GPC3: variants seen among roughly 807,000 people sequenced by gnomAD.
The protein encoded by GPC3 is glypican-3.
GPC3 carries 3 observed loss-of-function variants against 34.4 expected under a neutral mutation model. The ratio of observed to expected loss-of-function variants is 0.09; its 90% CI spans 0.04 to 0.23. The LOEUF is 0.23. Among genes scored for constraint, GPC3 ranks in the 10% least tolerant of loss-of-function variants. GPC3 has a pLI of 1.00. For missense variants in GPC3, 351 were observed against 445.6 expected (o/e 0.79, Z 1.91); for synonymous variants, 177 against 174.0 (o/e 1.02, Z -0.13).
chrX:133,863,968 A>G (rs1483514859), intron 2 of GPC3, among the ~76,000 whole-genome samples: 1 of 111,799 alleles, frequency 8.9e-6, no homozygotes, highest in African/African-American at 3.3e-5. Flanking sequence ...AATATTCCTA[A>G]GAGAGATAAC....
At chrX:133,652,549 A>G (rs2070614707) in intron 6 of GPC3, among the ~76,000 whole-genome samples, 1 of 112,033 alleles carries the variant, frequency 8.9e-6, no homozygotes, top group South Asian at 3.8e-4. Flanking sequence ...CACTCCACTT[A>G]ACAGTTGCTA....
At chrX:133,743,083 A>G (rs1337545027) in intron 3 of GPC3, among the ~76,000 whole-genome samples, 1 of 112,626 alleles carries the variant, frequency 8.9e-6, no homozygotes, top group African/African-American at 3.2e-5. Flanking sequence ...AACAAAGGCT[A>G]TTTGTTTTAC....
chrX:133,677,827 A>G (rs1171388608), intron 5 of GPC3, among the ~76,000 whole-genome samples: 3 of 111,479 alleles, frequency 2.7e-5, no homozygotes, highest in African/African-American at 9.8e-5. Context: ...ATGTACTTCT[A>G]CTCTCAAGGA....
chrX:133,873,797 G>A (rs1265344376), intron 2 of GPC3, among the ~76,000 whole-genome samples: 1 of 111,261 alleles, frequency 9.0e-6, no homozygotes, highest in African/African-American at 3.3e-5. Context: ...AATGGGTAGT[G>A]GTATGGGAAA....
chrX:133,614,956 G>T (rs1429494840), intron 6 of GPC3, among the ~76,000 whole-genome samples: 2 of 111,388 alleles, frequency 1.8e-5, no homozygotes, highest in East Asian at 5.6e-4. Context: ...AGACGAAATA[G>T]ACAAATTCCT....
intron 3 of GPC3, among the ~76,000 whole-genome samples, chrX:133,739,701 A>G (rs1371788760): frequency 9.1e-6 from 1 of 110,051 alleles, no homozygotes; most frequent in Non-Finnish European, 1.9e-5. Context: ...AAACAAAAAC[A>G]AAAACAAAAC....
intron 2 of GPC3, among the ~76,000 whole-genome samples, chrX:133,849,323 A>G (rs762047889): frequency 5.4e-5 from 6 of 110,553 alleles, no homozygotes; most frequent in Non-Finnish European, 9.4e-5. Flanking sequence ...ACTAGGCTGG[A>G]CAACAGATTA....
At chrX:133,717,098 T>G (rs1196222619) in intron 3 of GPC3, among the ~76,000 whole-genome samples, 1 of 110,749 alleles carries the variant, frequency 9.0e-6, no homozygotes, top group Non-Finnish European at 1.9e-5. Context: ...GTAGCTGGAA[T>G]TACAAGGCAC....
chrX:133,536,548 C>T (rs1006270464), intron 7 of GPC3, among the ~76,000 whole-genome samples: 1 of 109,802 alleles, frequency 9.1e-6, no homozygotes, highest in Non-Finnish European at 1.9e-5. Context: ...GAGTGGGGAG[C>T]GAACAGGCTG....
At chrX:133,590,744 A>G (rs2069839116) in intron 7 of GPC3, among the ~76,000 whole-genome samples, 1 of 111,136 alleles carries the variant, frequency 9.0e-6, no homozygotes, top group South Asian at 3.8e-4. Flanking sequence ...AGGGGTTAGA[A>G]TGGGGAAAAT....
chrX:133,978,235 G>A (rs2076524649), intron 1 of GPC3, among the ~76,000 whole-genome samples: 1 of 112,343 alleles, frequency 8.9e-6, no homozygotes, highest in African/African-American at 3.2e-5. Flanking sequence ...GCCCAGCCTG[G>A]ATTATGTCCT....
At chrX:133,598,674 GTAGT>G (rs1433459632) in intron 6 of GPC3, among the ~76,000 whole-genome samples, 1 of 111,997 alleles carries the variant, frequency 8.9e-6, no homozygotes, top group Non-Finnish European at 1.9e-5. Flanking sequence ...AACTCAACAA[GTAGT>G]TAGTTGCAGT....
chrX:133,667,711 C>G (rs112533435), intron 5 of GPC3, among the ~76,000 whole-genome samples: 3 of 108,669 alleles, frequency 2.8e-5, no homozygotes, highest in African/African-American at 1.0e-4. Flanking sequence ...ATGAGCCAGG[C>G]ATGTTGCCGT....
At chrX:133,755,414 T>C (rs1407846311) in intron 2 of GPC3, among the ~76,000 whole-genome samples, 3 of 112,181 alleles carry the variant, frequency 2.7e-5, no homozygotes, top group Non-Finnish European at 5.6e-5. Flanking sequence ...TACCACCATC[T>C]GCCCCAGATC....
At chrX:133,802,475 A>G (rs2075614576) in intron 2 of GPC3, among the ~76,000 whole-genome samples, 1 of 111,946 alleles carries the variant, frequency 8.9e-6, no homozygotes, top group Admixed American at 9.4e-5. Context: ...GCCCCATGGG[A>G]AAACTCATAA....
intron 7 of GPC3, among the ~76,000 whole-genome samples, chrX:133,588,724 T>A (rs185361099): frequency 0.034 from 3,814 of 110,691 alleles, 170 homozygotes; most frequent in African/African-American, 0.12. Flanking sequence ...TAAAAATAAA[T>A]AAATAAATAA....
At chrX:133,890,683 C>A (rs900887307) in intron 2 of GPC3, among the ~76,000 whole-genome samples, 1 of 109,787 alleles carries the variant, frequency 9.1e-6, no homozygotes, top group Non-Finnish European at 1.9e-5. Context: ...AATGGTGACA[C>A]CCTGTCACTA....
At chrX:133,899,736 T>A (rs1402784349) in intron 2 of GPC3, among the ~76,000 whole-genome samples, 1 of 111,715 alleles carries the variant, frequency 9.0e-6, no homozygotes, top group East Asian at 2.8e-4. Context: ...AAATTCTGAA[T>A]CTCTAGGTGG....
chrX:133,634,645 A>G (rs927947610), intron 6 of GPC3, among the ~76,000 whole-genome samples: 7 of 112,110 alleles, frequency 6.2e-5, no homozygotes, highest in Non-Finnish European at 1.1e-4. Flanking sequence ...CTATAAGGAC[A>G]GAAAGTAGAT....
Sources: gnomAD v4.1 joint callset for allele counts (sites outside exome capture counted in the v4.1 genomes callset) on GRCh38, gnomAD v4.1.1 for gene constraint, MANE v1.5 for transcripts, NCBI Gene and HGNC (gene_info 2026-07-23, HGNC 2026-07-21) for gene names.